HELB: variants seen among roughly 807,000 people sequenced by gnomAD.
The protein encoded by HELB is DNA 5'-3' helicase B.
HELB carries 96 observed loss-of-function variants against 101.7 expected under a neutral mutation model. The ratio of observed to expected loss-of-function variants is 0.94; its 90% CI spans 0.80 to 1.12. The LOEUF is 1.12. Among genes scored for constraint, HELB ranks in the 50% most tolerant of loss-of-function variants. The probability of loss-of-function intolerance (pLI) is 0.00; values close to 1 mark genes in which losing one functional copy is unlikely to be tolerated. For missense variants in HELB, 1,210 were observed against 1,291.9 expected, an observed-to-expected ratio of 0.94 and a Z score of 0.97; for synonymous variants, 437 against 459.7, an observed-to-expected ratio of 0.95 and a Z score of 0.63.
downstream of HELB, chr12:66,338,493 T>G (rs2951656): frequency 0.43 from 72,770 of 169,534 alleles, 16,177 homozygotes; most frequent in East Asian, 0.52. Flanking sequence ...AATGCAAAAA[T>G]TATATGGGTG....
At chr12:66,342,119 A>G (rs960659242), downstream of HELB, 6 of 152,128 alleles carry the variant, frequency 3.9e-5, no homozygotes, top group Non-Finnish European at 7.4e-5. Flanking sequence ...TTTTTCTTCT[A>G]ATAATTTACA....
intron 2 of HELB, 134 bp from the exon 3 acceptor site, chr12:66,306,211 G>C (rs561971567): frequency 1.5e-4 from 80 of 547,102 alleles, no homozygotes; most frequent in Non-Finnish European, 2.1e-4. Flanking sequence ...TTTTCTTACT[G>C]GTTAAAGCAA....
At chr12:66,312,156 A>G (rs1375248960) in intron 4 of HELB, among the ~76,000 whole-genome samples, 2 of 152,088 alleles carry the variant, frequency 1.3e-5, no homozygotes, top group African/African-American at 4.8e-5. Flanking sequence ...CTCCACATTT[A>G]CAGAAACGCC....
At chr12:66,324,369 T>C (rs1367818662) in intron 10 of HELB, 158 bp downstream of exon 10, 2 of 612,288 alleles carry the variant, frequency 3.3e-6, no homozygotes, top group Non-Finnish European at 5.7e-6. Flanking sequence ...ATGAAGGATA[T>C]GGGTAGTTAT....
intron 11 of HELB, among the ~76,000 whole-genome samples, chr12:66,326,451 C>T (rs2053738635): frequency 6.6e-6 from 1 of 151,964 alleles, no homozygotes; most frequent in African/African-American, 2.4e-5. Context: ...CCATGTTGGT[C>T]AGGCTGGTCT....
exon 14 of HELB, chr12:66,343,641 G>T (rs1160045706): frequency 6.6e-6 from 1 of 152,054 alleles, no homozygotes; most frequent in Non-Finnish European, 1.5e-5. Context: ...AATGCTCTTT[G>T]TTAAATTTAT....
At chr12:66,325,661 AAT>A (rs976847679) in intron 11 of HELB, among the ~76,000 whole-genome samples, 3 of 152,126 alleles carry the variant, frequency 2.0e-5, no homozygotes, top group African/African-American at 7.2e-5. Context: ...ATGTAGAAGC[AAT>A]ATATATGATT....
At chr12:66,335,212 G>A (rs1477502365) in intron 12 of HELB, among the ~76,000 whole-genome samples, 4 of 152,192 alleles carry the variant, frequency 2.6e-5, no homozygotes, top group African/African-American at 9.7e-5. Flanking sequence ...TAGAGCCTCA[G>A]CAGGGAGTAG....
intron 11 of HELB, 40 bp downstream of exon 11, chr12:66,325,166 C>T (rs1378674861): frequency 7.0e-7 from 1 of 1,428,050 alleles, no homozygotes; most frequent in African/African-American, 1.4e-5. Flanking sequence ...AATAATTTAC[C>T]AACCTTAGAG....
chr12:66,343,034 T>G (rs796420343), downstream of HELB: 6 of 152,274 alleles, frequency 3.9e-5, no homozygotes, highest in African/African-American at 1.4e-4. Context: ...ATTGTCTTTA[T>G]TATTGTAGCT....
intron 12 of HELB, among the ~76,000 whole-genome samples, chr12:66,331,967 T>A (rs1236051541): frequency 6.6e-6 from 1 of 152,136 alleles, no homozygotes; most frequent in Non-Finnish European, 1.5e-5. Context: ...TTGACTATAG[T>A]AACATTTCAG....
At chr12:66,313,036 A>G (rs2053561342) in intron 4 of HELB, among the ~76,000 whole-genome samples, 1 of 152,168 alleles carries the variant, frequency 6.6e-6, no homozygotes, top group African/African-American at 2.4e-5. Flanking sequence ...CAGCATTTCT[A>G]AGATAATAAA....
chr12:66,311,968 A>G (rs1051785705), intron 4 of HELB, among the ~76,000 whole-genome samples: 25 of 152,374 alleles, frequency 1.6e-4, no homozygotes, highest in African/African-American at 6.0e-4. Flanking sequence ...TTGCAAAGGC[A>G]TCGAGGAATA....
chr12:66,337,939 A>G, intron 12 of HELB, 62 bp from the exon 13 acceptor site: 1 of 931,424 alleles, frequency 1.1e-6, no homozygotes, highest in Non-Finnish European at 1.7e-6. Context: ...GAATACAAGT[A>G]CGTAGGGTAG....
intron 12 of HELB, among the ~76,000 whole-genome samples, chr12:66,336,187 A>G (rs1592650525): frequency 6.6e-6 from 1 of 152,224 alleles, no homozygotes; most frequent in South Asian, 2.1e-4. Context: ...ACTGAAAGTC[A>G]TACTTTTATT....
chr12:66,323,874 G>A (rs1220924207), intron 9 of HELB, 109 bp from the exon 10 acceptor site: 1 of 721,318 alleles, frequency 1.4e-6, no homozygotes, highest in Non-Finnish European at 2.4e-6. Context: ...TAAATAAAAT[G>A]TGGAAATTAT....
chr12:66,322,521 C>G (rs931326988), intron 8 of HELB, among the ~76,000 whole-genome samples: 3 of 147,110 alleles, frequency 2.0e-5, no homozygotes, highest in African/African-American at 7.6e-5. Context: ...GCCGAGAGCA[C>G]GCCATTGCAC....
chr12:66,328,912 A>G (rs1232394522), intron 11 of HELB, among the ~76,000 whole-genome samples: 2 of 152,208 alleles, frequency 1.3e-5, no homozygotes, highest in Non-Finnish European at 2.9e-5. Flanking sequence ...TAAGCTGCAT[A>G]TATGACTTAT....
At chr12:66,334,977 T>A (rs2053851410) in intron 12 of HELB, among the ~76,000 whole-genome samples, 1 of 151,980 alleles carries the variant, frequency 6.6e-6, no homozygotes, top group African/African-American at 2.4e-5. Context: ...TGTATAACTT[T>A]CTGATTAGAT....
Sources: gnomAD v4.1 joint callset for allele counts (sites outside exome capture counted in the v4.1 genomes callset) on GRCh38, gnomAD v4.1.1 for gene constraint, MANE v1.5 for transcripts, NCBI Gene and HGNC (gene_info 2026-07-23, HGNC 2026-07-21) for gene names.